Variants in ROBO1 observed in about 807,000 individuals in gnomAD.
ROBO1 encodes roundabout guidance receptor 1.
ROBO1 carries 149 observed loss-of-function variants against 195.9 expected under a neutral mutation model. The ratio of observed to expected loss-of-function variants is 0.76; its 90% confidence interval spans 0.67 to 0.87. The LOEUF is 0.87. Among genes scored for constraint, ROBO1 ranks in the 40% least tolerant of loss-of-function variants. The pLI, the probability that ROBO1 is intolerant of heterozygous loss-of-function variation, is 0.00. For synonymous variants in ROBO1, 816 were observed against 733.2 expected (o/e 1.11, Z -1.82); for missense variants, 1,933 against 2,068.3 (o/e 0.93, Z 1.27).
At chr3:79,185,279 ATT>A (rs1435697176) in intron 2 of ROBO1, among the ~76,000 whole-genome samples, 1 of 151,902 alleles carries the variant, frequency 6.6e-6, no homozygotes, top group African/African-American at 2.4e-5. Flanking sequence ...GTAGTAACTG[ATT>A]TTTTTTATAG....
chr3:78,603,686 A>T (rs1703305048), intron 29 of ROBO1, among the ~76,000 whole-genome samples: 2 of 152,208 alleles, frequency 1.3e-5, no homozygotes, highest in Admixed American at 1.3e-4. Flanking sequence ...TACCTCTTTC[A>T]CTATAAACAA....
intron 3 of ROBO1, among the ~76,000 whole-genome samples, chr3:79,117,641 A>G (rs1417567512): frequency 1.3e-5 from 2 of 152,208 alleles, no homozygotes; most frequent in Non-Finnish European, 2.9e-5. Flanking sequence ...AACCTACTGT[A>G]ATACCCACGT....
At chr3:78,988,309 C>T (rs190440248) in intron 3 of ROBO1, among the ~76,000 whole-genome samples, 53 of 152,202 alleles carry the variant, frequency 3.5e-4, no homozygotes, top group Admixed American at 2.7e-3. Flanking sequence ...GTTTATCTCA[C>T]AAAATTACCA....
intron 3 of ROBO1, among the ~76,000 whole-genome samples, chr3:79,091,442 C>T (rs1309048381): frequency 6.6e-6 from 1 of 151,918 alleles, no homozygotes; most frequent in Non-Finnish European, 1.5e-5. Flanking sequence ...TAAAATAATT[C>T]CATCAGATCT....
In ROBO1 at chr3:79,547,556, C is replaced by A. The variant is rs180876274; in HGVS notation, c.88+42268G>T. Among the ~76,000 whole-genome samples, 4 of 152,254 alleles carry A rather than the reference C, an allele frequency of 2.6e-5. No homozygotes were observed. In the East Asian group the frequency reaches 5.8e-4, roughly 22 times the overall value. On this transcript the variant is annotated intron_variant, in intron 2 of 30. Coordinates refer to ENST00000464233, the MANE Select transcript of ROBO1 (RefSeq NM_002941.4). ...TATAATTTAGCCTGACTGCAAAGAT[C>A]ATTCTCTACTGTGCTATTCTAAAGT...
intron 24 of ROBO1, among the ~76,000 whole-genome samples, chr3:78,631,975 G>C (rs1462325737): frequency 6.6e-6 from 1 of 152,132 alleles, no homozygotes; most frequent in Admixed American, 6.6e-5. Context: ...TCATTCAAGT[G>C]CTCCAGTGTT....
chr3:79,014,960 G>C (rs4507217), intron 3 of ROBO1, among the ~76,000 whole-genome samples: 3 of 152,204 alleles, frequency 2.0e-5, no homozygotes, highest in African/African-American at 7.2e-5. Flanking sequence ...TTTTAAATTA[G>C]AAATATCTAG....
chr3:79,442,231 A>G (rs190912745), intron 2 of ROBO1, among the ~76,000 whole-genome samples: 25 of 152,190 alleles, frequency 1.6e-4, no homozygotes, highest in Non-Finnish European at 1.3e-4. Context: ...TTTCCCCTGA[A>G]TTGTGTTTTG....
At chr3:79,173,724 C>T (rs947499099) in intron 2 of ROBO1, among the ~76,000 whole-genome samples, 3 of 152,242 alleles carry the variant, frequency 2.0e-5, no homozygotes, top group Admixed American at 6.5e-5. Flanking sequence ...GGTGCAGGAC[C>T]GGCAGGCAGC....
At chr3:78,714,654 G>T in intron 7 of ROBO1, 130 bp from the exon 8 acceptor site, 1 of 780,300 alleles carries the variant, frequency 1.3e-6, no homozygotes. Context: ...GTAAAACATG[G>T]TATTCCTCTA....
At chr3:79,519,610 C>T (rs1253077710) in intron 2 of ROBO1, among the ~76,000 whole-genome samples, 1 of 110,116 alleles carries the variant, frequency 9.1e-6, no homozygotes, top group African/African-American at 3.7e-5. Context: ...GCCTGGGTGA[C>T]AGAGCCAGAC....
At chr3:79,376,737 T>TTATTA (rs2036399706) in intron 2 of ROBO1, among the ~76,000 whole-genome samples, 1 of 152,142 alleles carries the variant, frequency 6.6e-6, no homozygotes, top group Non-Finnish European at 1.5e-5. Flanking sequence ...TACACAGTCT[T>TTATTA]GGGTATATCT....
intron 24 of ROBO1, 38 bp from the exon 25 acceptor site, chr3:78,631,343 C>T (rs780030684): frequency 6.3e-7 from 1 of 1,578,598 alleles, no homozygotes; most frequent in South Asian, 1.2e-5. Flanking sequence ...TGATCTCTGG[C>T]CTTTAAACTT....
chr3:79,373,473 A>C (rs1422938574), intron 2 of ROBO1, among the ~76,000 whole-genome samples: 9 of 152,184 alleles, frequency 5.9e-5, no homozygotes. Context: ...AACACTTCAC[A>C]AATGTTTCTC....
intron 1 of ROBO1, among the ~76,000 whole-genome samples, chr3:79,696,001 G>A (rs1947437901): frequency 6.6e-6 from 1 of 151,328 alleles, no homozygotes; most frequent in South Asian, 2.1e-4. Flanking sequence ...GGGGTTCTGT[G>A]TTAGAATTGA....
intron 1 of ROBO1, among the ~76,000 whole-genome samples, chr3:79,762,462 A>G (rs1210348623): frequency 7.3e-6 from 1 of 137,036 alleles, no homozygotes; most frequent in Non-Finnish European, 1.7e-5. Flanking sequence ...TTTCAGAGGC[A>G]TTATTAAATG....
chr3:79,715,401 A>G (rs1395231076), intron 1 of ROBO1, among the ~76,000 whole-genome samples: 1 of 152,156 alleles, frequency 6.6e-6, no homozygotes, highest in African/African-American at 2.4e-5. Flanking sequence ...ACCCTGATCA[A>G]TCAGCAACCA....
At chr3:79,293,209 G>A (rs1036872839) in intron 2 of ROBO1, among the ~76,000 whole-genome samples, 3 of 152,112 alleles carry the variant, frequency 2.0e-5, no homozygotes, top group African/African-American at 7.2e-5. Context: ...TTGTATTTCT[G>A]TGAGATCAGT....
intron 2 of ROBO1, among the ~76,000 whole-genome samples, chr3:79,346,856 T>A (rs1229600676): frequency 6.6e-6 from 1 of 151,706 alleles, no homozygotes; most frequent in Non-Finnish European, 1.5e-5. Flanking sequence ...TTATTTTAAA[T>A]ATTTTAAAAA....
Sources: allele counts gnomAD v4.1 joint callset (sites outside exome capture counted in the v4.1 genomes callset), GRCh38; gene constraint gnomAD v4.1.1; transcripts MANE v1.5; gene names NCBI Gene and HGNC (gene_info 2026-07-23, HGNC 2026-07-21).